Variants in PLEKHA6 observed in about 807,000 individuals in gnomAD.
PLEKHA6 encodes the protein pleckstrin homology domain containing A6.
A neutral mutation model predicts 116.7 loss-of-function variants in PLEKHA6; 60 were observed. That is an observed-to-expected ratio of 0.51 (90% CI 0.42 to 0.64). The LOEUF is 0.64. Among genes scored for constraint, PLEKHA6 ranks in the 30% least tolerant of loss-of-function variants. The pLI is 0.00. For synonymous variants in PLEKHA6, 489 were observed against 556.1 expected, an observed-to-expected ratio of 0.88 and a Z score of 1.70; for missense variants, 1,338 against 1,422.7, an observed-to-expected ratio of 0.94 and a Z score of 0.96.
At chr1:204,361,750 C>T (rs1673565193), upstream of PLEKHA6, among the ~76,000 whole-genome samples, 1 of 152,240 alleles carries the variant, frequency 6.6e-6, no homozygotes, top group African/African-American at 2.4e-5. Flanking sequence ...GCAAGGCTGC[C>T]AGGTGCAGGC....
chr1:204,355,188 T>C (rs1673381069), intron 1 of PLEKHA6, among the ~76,000 whole-genome samples: 2 of 152,244 alleles, frequency 1.3e-5, no homozygotes, highest in Non-Finnish European at 2.9e-5. Flanking sequence ...GATATCTATG[T>C]TTCTCATGCA....
At chr1:204,365,579 A>G (rs1673632174) in intron 3 of PLEKHA6, among the ~76,000 whole-genome samples, 1 of 152,236 alleles carries the variant, frequency 6.6e-6, no homozygotes, top group African/African-American at 2.4e-5. Flanking sequence ...AAGTCTGGAC[A>G]CAATGAATTG....
Position 204,352,694 on chromosome 1 carries a change from T to A in PLEKHA6, c.-95+7000A>T, listed in dbSNP as rs537443498. 8.5e-5 allele frequency among the ~76,000 whole-genome samples: 13 copies of A among 152,056 alleles called. No homozygotes were observed. In the South Asian group the frequency reaches 1.0e-3, roughly 12 times the overall value. On this transcript the variant is annotated intron_variant, in intron 1 of 22. Transcript: ENST00000272203. ...CCTTACAAGAGCGTGAGTTTAAAAA[T>A]TTTTTTTTGACCGGTCACAGTGGCT...
In PLEKHA6 at chr1:204,249,255, C is replaced by T. The variant is rs765927505; in HGVS notation, c.1603G>A (p.Gly535Arg). ...LNEQDTDKLL[G>R]KLCEQNKVVR... ...ACCTTGTTCTGCTCACACAATTTTC[C>T]CAGCAGCTTCTAGGGACCCAGAGAG... Residue 535 changes from glycine (G) to arginine (R), a missense_variant, in exon 11 of 23, where the codon GGA becomes AGA. By Grantham distance (125) the Gly-to-Arg change is moderately radical. This residue lies in a region of PLEKHA6 where 1,136 missense variants were observed against 1,163.6 expected (regional missense o/e 0.98). Transcript: ENST00000272203. 1.2e-6 allele frequency: 2 copies of T among 1,612,698 alleles called. No homozygotes were observed. Among genetic ancestry groups the T allele is most frequent in the South Asian group, 2.2e-5 (2 of 91,052 alleles).
chr1:204,271,600 A>G (rs1413938433), intron 3 of PLEKHA6, among the ~76,000 whole-genome samples: 1 of 152,078 alleles, frequency 6.6e-6, no homozygotes, highest in Non-Finnish European at 1.5e-5. Context: ...GTGGTAAACT[A>G]TGGTAAACTC....
intron 1 of PLEKHA6, among the ~76,000 whole-genome samples, chr1:204,302,696 G>A (rs562831504): frequency 1.3e-5 from 2 of 152,250 alleles, no homozygotes; most frequent in South Asian, 4.1e-4. Context: ...GACCAACATG[G>A]AGAAACCCCA....
chr1:204,320,448 G>T, intron 1 of PLEKHA6: 1 of 969,498 alleles, frequency 1.0e-6, no homozygotes, highest in South Asian at 4.8e-5. Context: ...CTGTGGGTGG[G>T]AAGGAGCAGT....
chr1:204,346,917 C>G, intron 1 of PLEKHA6: 1 of 1,254,156 alleles, frequency 8.0e-7, no homozygotes, highest in South Asian at 1.2e-5. Context: ...CTTTCTTTTT[C>G]TGATCATTTT....
At chr1:204,316,720 G>C (rs1192956472) in intron 1 of PLEKHA6, among the ~76,000 whole-genome samples, 1 of 152,136 alleles carries the variant, frequency 6.6e-6, no homozygotes, top group African/African-American at 2.4e-5. Flanking sequence ...TTCTCCACTG[G>C]AGAGCTCAAT....
chr1:204,278,075 G>A (rs1475626765), intron 1 of PLEKHA6: 1 of 152,228 alleles, frequency 6.6e-6, no homozygotes. Flanking sequence ...TCAGAAGCAA[G>A]GAGGTTTGTA....
intron 1 of PLEKHA6, among the ~76,000 whole-genome samples, chr1:204,294,751 C>G (rs1471696566): frequency 6.6e-6 from 1 of 152,190 alleles, no homozygotes; most frequent in Non-Finnish European, 1.5e-5. Context: ...ATTCCCCCAT[C>G]TGTGAAAACG....
chr1:204,370,125 T>G (rs915517510), intron 2 of PLEKHA6, among the ~76,000 whole-genome samples: 1 of 152,240 alleles, frequency 6.6e-6, no homozygotes, highest in Non-Finnish European at 1.5e-5. Context: ...CCTTTAACCA[T>G]GACACCACTT....
At chr1:204,262,900 C>T (rs532163367) in intron 6 of PLEKHA6, among the ~76,000 whole-genome samples, 11 of 151,114 alleles carry the variant, frequency 7.3e-5, no homozygotes, top group Non-Finnish European at 1.3e-4. Flanking sequence ...ACCAGGGGCC[C>T]AAGCAAGCCT....
intron 1 of PLEKHA6, among the ~76,000 whole-genome samples, chr1:204,322,770 T>C (rs1440834101): frequency 4.6e-5 from 7 of 152,264 alleles, no homozygotes; most frequent in East Asian, 3.9e-4. Context: ...CAAAACCCAA[T>C]TGTAGCTACT....
Position 204,261,060 on chromosome 1 carries a change from G to C in PLEKHA6, c.524+246C>G, listed in dbSNP as rs59319957. Among the ~76,000 whole-genome samples the C allele has an allele frequency of 0.019, 2,895 of 152,310 alleles. 87 individuals are homozygous for C. The highest frequency in any genetic ancestry group is 0.065 in the African/African-American group (2,681 of 41,546). On this transcript the variant is annotated intron_variant, in intron 7 of 22. Transcript: ENST00000272203. The surrounding 1 kb of genome is among the most constrained non-coding windows in gnomAD (Gnocchi z 4.0). ...TCTGGCTCCTGGCCAGACCCCAATG[G>C]AACCTGGCTTTTCTCTTGGCCTTCC... is the stretch of plus-strand genomic sequence containing the variant.
At chr1:204,361,550 C>T (rs1673560447), upstream of PLEKHA6, among the ~76,000 whole-genome samples, 1 of 152,260 alleles carries the variant, frequency 6.6e-6, no homozygotes, top group South Asian at 2.1e-4. Context: ...CGCAGCTCAG[C>T]AGCACTCTTG....
intron 1 of PLEKHA6, chr1:204,282,799 T>C (rs901359115): frequency 1.7e-4 from 168 of 985,224 alleles, no homozygotes; most frequent in Non-Finnish European, 2.0e-4. Flanking sequence ...TGTGCTCTTG[T>C]TCCCTTCTAA....
At position 204,259,283 on chromosome 1, in the gene PLEKHA6, C is replaced by A; in HGVS notation, c.982G>T (p.Val328Leu). The A allele has an allele frequency of 1.2e-6, 2 of 1,612,040 alleles. No individual in the cohort carries two copies. The highest frequency in any genetic ancestry group is 1.7e-6 in the Non-Finnish European group (2 of 1,178,966). Residue 328 changes from valine to leucine, a missense_variant, in exon 8 of 23, where the codon GTA becomes TTA. This residue lies in a region of PLEKHA6 where 1,136 missense variants were observed against 1,163.6 expected (regional missense o/e 0.98). Transcript: ENST00000272203. This position sits in a 1 kb window ranked among gnomAD's most constrained non-coding sequence, Gnocchi z 4.6. ...CTCCGAAGGTCTTCAGGCGGGGGTA[C>A]CCCCCGGCGCAGATTCACCCACTGC... is the stretch of plus-strand genomic sequence containing the variant. The part of the protein sequence containing the change: ...LQQWVNLRRG[V>L]PPPEDLRSPS...
intron 1 of PLEKHA6, among the ~76,000 whole-genome samples, chr1:204,312,913 T>C (rs541837582): frequency 3.3e-5 from 5 of 150,014 alleles, no homozygotes; most frequent in South Asian, 4.3e-4. Flanking sequence ...TTCCCTCCCT[T>C]CCTTCCTTCC....
Sources: allele counts gnomAD v4.1 joint callset (sites outside exome capture counted in the v4.1 genomes callset), GRCh38; gene constraint gnomAD v4.1.1; regional missense constraint gnomAD v4.1.1; non-coding constraint Gnocchi (gnomAD v3.1); transcripts MANE v1.5; gene names NCBI Gene and HGNC (gene_info 2026-07-23, HGNC 2026-07-21).